Variants in NAV2 observed in about 807,000 individuals in gnomAD.
The protein encoded by NAV2 is neuron navigator 2.
NAV2 carries 54 observed loss-of-function variants against 223.2 expected under a neutral mutation model. The observed-to-expected ratio is 0.24, with a 90% CI of 0.19 to 0.30. The LOEUF (loss-of-function observed/expected upper bound fraction) is 0.30, where lower values mean the gene tolerates loss of function less well. NAV2 is among the 10% of genes least tolerant of loss of function. The pLI, the probability that NAV2 is intolerant of heterozygous loss-of-function variation, is 1.00. For synonymous variants in NAV2, 1,279 were observed against 1,239.3 expected, an observed-to-expected ratio of 1.03 and a Z score of -0.67; for missense variants, 2,806 against 3,147.5, an observed-to-expected ratio of 0.89 and a Z score of 2.60.
At chr11:19,671,191 G>A (rs1159125346) in intron 1 of NAV2, among the ~76,000 whole-genome samples, 1 of 152,126 alleles carries the variant, frequency 6.6e-6, no homozygotes, top group African/African-American at 2.4e-5. Context: ...CCCTAGTTTT[G>A]TACTGTTTGC....
intron 1 of NAV2, among the ~76,000 whole-genome samples, chr11:19,773,613 T>A (rs2152611088): frequency 6.6e-6 from 1 of 152,176 alleles, no homozygotes; most frequent in East Asian, 1.9e-4. Flanking sequence ...TGGAAGATTA[T>A]GGAAATAGGA....
chr11:19,773,362 G>T (rs1244410177), intron 1 of NAV2, among the ~76,000 whole-genome samples: 2 of 152,182 alleles, frequency 1.3e-5, no homozygotes, highest in Non-Finnish European at 2.9e-5. Flanking sequence ...GGGCTCCACA[G>T]TACCAGAACA....
chr11:19,945,038 T>C (rs1001618474), intron 8 of NAV2, among the ~76,000 whole-genome samples: 14 of 150,990 alleles, frequency 9.3e-5, no homozygotes, highest in Non-Finnish European at 1.8e-4. Context: ...TCTTTCTTTT[T>C]CTTTTTCCTT....
At chr11:20,031,617 C>T (rs1189969884) in intron 11 of NAV2, among the ~76,000 whole-genome samples, 2 of 152,184 alleles carry the variant, frequency 1.3e-5, no homozygotes, top group Non-Finnish European at 2.9e-5. Flanking sequence ...ATGTCAAAGG[C>T]ACACTTCCAT....
chr11:19,771,141 G>C (rs2055687775), intron 1 of NAV2, among the ~76,000 whole-genome samples: 1 of 152,162 alleles, frequency 6.6e-6, no homozygotes, highest in Non-Finnish European at 1.5e-5. Flanking sequence ...GATAAGCCCA[G>C]TACTATTCTG....
chr11:19,843,598 T>A (rs1351148175), intron 3 of NAV2, among the ~76,000 whole-genome samples: 4 of 152,214 alleles, frequency 2.6e-5, no homozygotes, highest in African/African-American at 9.6e-5. Flanking sequence ...AAACATTGGC[T>A]TAGTTTTTCA....
At position 19,998,645 on chromosome 11, in the gene NAV2, CG is replaced by C. The variant is rs1329328450; in HGVS notation, c.2768+14400del. ...CCTTCATCCATTCCCCTGGACGTGC[CG>C]GATCTTCTCTTTCGTCAGAAGCTTT... On this transcript the variant is annotated intron_variant, in intron 11 of 37. Coordinates refer to ENST00000349880, the MANE Select transcript of NAV2 (RefSeq NM_145117.5). This position sits in a 1 kb window ranked among gnomAD's most constrained non-coding sequence, Gnocchi z 5.0. Among the ~76,000 whole-genome samples, 2 of 152,046 alleles carry C rather than the reference CG, an allele frequency of 1.3e-5. No individual in the cohort carries two copies. Among genetic ancestry groups the C allele is most frequent in the Non-Finnish European group, 1.5e-5 (1 of 68,012 alleles).
At chr11:19,626,207 A>G (rs370152298) in intron 1 of NAV2, among the ~76,000 whole-genome samples, 1 of 152,162 alleles carries the variant, frequency 6.6e-6, no homozygotes, top group African/African-American at 2.4e-5. Context: ...AGTTGATTTT[A>G]GTATAGGATG....
intron 1 of NAV2, among the ~76,000 whole-genome samples, chr11:19,626,976 C>T (rs183438549): frequency 8.5e-5 from 13 of 152,176 alleles, no homozygotes; most frequent in Middle Eastern, 3.4e-3. Flanking sequence ...CAATATGTAC[C>T]CAATATGACA....
intron 1 of NAV2, among the ~76,000 whole-genome samples, chr11:19,587,419 A>T (rs1405989355): frequency 6.6e-6 from 1 of 152,134 alleles, no homozygotes; most frequent in Non-Finnish European, 1.5e-5. Context: ...AGTGAGATGA[A>T]CCTGGTACTT....
At chr11:19,702,826 A>ATAATAATAT (rs566087221) in intron 1 of NAV2, among the ~76,000 whole-genome samples, 2 of 147,132 alleles carry the variant, frequency 1.4e-5, no homozygotes, top group Admixed American at 6.8e-5. Context: ...AATAATAATA[A>ATAATAATAT]GTCCCTTGAA....
At chr11:19,722,599 G>A (rs1285326389) in intron 1 of NAV2, among the ~76,000 whole-genome samples, 1 of 152,166 alleles carries the variant, frequency 6.6e-6, no homozygotes, top group Non-Finnish European at 1.5e-5. Context: ...ATGAGGTCAG[G>A]GCTGTGTCTC....
intron 7 of NAV2, among the ~76,000 whole-genome samples, chr11:19,934,657 C>T (rs1429714627): frequency 1.3e-5 from 2 of 152,164 alleles, no homozygotes; most frequent in Non-Finnish European, 2.9e-5. Flanking sequence ...CCTAACACAT[C>T]CCAACATACT....
At chr11:19,808,374 G>T (rs537566593) in intron 1 of NAV2, among the ~76,000 whole-genome samples, 16 of 152,330 alleles carry the variant, frequency 1.1e-4, no homozygotes, top group Admixed American at 6.5e-4. Flanking sequence ...TGAGAACTGA[G>T]CACAAAAGCG....
At chr11:19,648,068 C>T (rs916659236) in intron 1 of NAV2, among the ~76,000 whole-genome samples, 2 of 152,166 alleles carry the variant, frequency 1.3e-5, no homozygotes, top group Non-Finnish European at 2.9e-5. Flanking sequence ...TCAGCTTATA[C>T]TCGCACAAGA....
chr11:20,044,499 T>C lies in NAV2; in HGVS notation c.3199+227T>C, dbSNP rs551527435. Among the ~76,000 whole-genome samples, 19 of 152,314 alleles carry C rather than the reference T, an allele frequency of 1.2e-4. No individual in the cohort carries two copies. In the South Asian group the frequency reaches 3.9e-3, roughly 32 times the overall value. ...GTTCGGCTGCTGAGACATACTGAAT[T>C]GGTTTAACTAGACACTGGGTGAGTT... On this transcript the variant is annotated intron_variant, in intron 13 of 37. Transcript: ENST00000349880.
At chr11:19,792,334 G>A (rs1040466534) in intron 1 of NAV2, among the ~76,000 whole-genome samples, 2 of 152,186 alleles carry the variant, frequency 1.3e-5, no homozygotes, top group Non-Finnish European at 2.9e-5. Flanking sequence ...TCTAAGTAGT[G>A]GGGGGCATTG....
chr11:19,417,271 A>G (rs1362075428), intron 1 of NAV2, among the ~76,000 whole-genome samples: 1 of 152,248 alleles, frequency 6.6e-6, no homozygotes, highest in African/African-American at 2.4e-5. Flanking sequence ...AACCCCATCA[A>G]AAAGTGGGCA....
At chr11:19,452,012 C>T (rs1215930348) in intron 1 of NAV2, among the ~76,000 whole-genome samples, 1 of 152,240 alleles carries the variant, frequency 6.6e-6, no homozygotes, top group East Asian at 1.9e-4. Context: ...GAAGTATCCT[C>T]ATAACTACGG....
Sources: gnomAD v4.1 joint callset for allele counts (sites outside exome capture counted in the v4.1 genomes callset) on GRCh38, gnomAD v4.1.1 for gene constraint, Gnocchi (gnomAD v3.1) non-coding constraint, MANE v1.5 for transcripts, NCBI Gene and HGNC (gene_info 2026-07-23, HGNC 2026-07-21) for gene names.